The following BACH2 variants were observed in gnomAD, a reference collection of about 807,000 sequenced individuals.
BACH2 encodes the protein BACH transcriptional regulator 2, also known as transcription regulator protein BACH2.
BACH2 carries 5 observed loss-of-function variants against 61.8 expected under a neutral mutation model. The observed-to-expected ratio is 0.08, with a 90% confidence interval of 0.04 to 0.17. The LOEUF is 0.17. Ranked by LOEUF, BACH2 falls within the 10% of genes least tolerant of loss-of-function variation. The pLI, the probability that BACH2 is intolerant of heterozygous loss-of-function variation, is 1.00. For missense variants in BACH2, 824 were observed against 1,091.1 expected, an observed-to-expected ratio of 0.76 and a Z score of 3.45; for synonymous variants, 446 against 440.1, an observed-to-expected ratio of 1.01 and a Z score of -0.17.
chr6:89,971,193 C>T lies in BACH2; in HGVS notation c.244-19331G>A, dbSNP rs149851473. 2.2e-4 allele frequency among the ~76,000 whole-genome samples: 34 copies of T among 152,256 alleles called. 1 individual carries two copies. The highest frequency in any genetic ancestry group is 8.2e-4 in the African/African-American group (34 of 41,542). On this transcript the variant is annotated intron_variant, in intron 6 of 8. Transcript: ENST00000257749. ...GTAACATGGGAACAACTGCGTCAGACGACAAGCATGCAGCCCCAGGCACAG... is the reference window on the plus strand; with the variant it reads ...GTAACATGGGAACAACTGCGTCAGATGACAAGCATGCAGCCCCAGGCACAG...
intron 4 of BACH2, among the ~76,000 whole-genome samples, chr6:90,166,967 T>C (rs1767645169): frequency 6.6e-6 from 1 of 151,106 alleles, no homozygotes; most frequent in East Asian, 2.0e-4. Flanking sequence ...AATGACGAGT[T>C]ACTGGGTGCA....
chr6:90,229,391 C>T (rs963758794), intron 3 of BACH2, among the ~76,000 whole-genome samples: 1 of 151,548 alleles, frequency 6.6e-6, no homozygotes, highest in African/African-American at 2.4e-5. Flanking sequence ...ACTTGGGAGG[C>T]GGAGGTTGCG....
chr6:90,008,917 G>A lies in BACH2; in HGVS notation c.-12-61C>T. 6.4e-7 allele frequency: 1 copy of A among 1,570,120 alleles called. No individual in the cohort carries two copies. Among genetic ancestry groups the A allele is most frequent in the Non-Finnish European group, 8.6e-7 (1 of 1,157,034 alleles). On this transcript the variant is annotated intron_variant, in intron 5 of 8. Transcript: ENST00000257749. The surrounding 1 kb of genome is among the most constrained non-coding windows in gnomAD (Gnocchi z 4.1). Reference sequence around the variant, plus strand: ...AAAGGCTGAGTCACCACAGCTGTAGGATCAGAGAGAGGAGGTGAGAAAGAA... The same window carrying A: ...AAAGGCTGAGTCACCACAGCTGTAGAATCAGAGAGAGGAGGTGAGAAAGAA...
chr6:90,052,784 C>T (rs775771993), intron 5 of BACH2, among the ~76,000 whole-genome samples: 5 of 152,200 alleles, frequency 3.3e-5, no homozygotes, highest in South Asian at 2.1e-4. Context: ...GGTATTTGCT[C>T]GAATACGAAT....
At chr6:90,246,970 G>T (rs1253892726) in intron 3 of BACH2, among the ~76,000 whole-genome samples, 1 of 151,952 alleles carries the variant, frequency 6.6e-6, no homozygotes, top group African/African-American at 2.4e-5. Flanking sequence ...AAACATACTT[G>T]TAAATTTACG....
intron 4 of BACH2, among the ~76,000 whole-genome samples, chr6:90,119,449 A>G (rs930787433): frequency 6.6e-6 from 1 of 152,228 alleles, no homozygotes; most frequent in East Asian, 1.9e-4. Context: ...TACCCTGTAC[A>G]TTATAGAGAA....
At chr6:90,108,495 T>C (rs1783022715) in intron 4 of BACH2, among the ~76,000 whole-genome samples, 1 of 152,198 alleles carries the variant, frequency 6.6e-6, no homozygotes, top group Non-Finnish European at 1.5e-5. Flanking sequence ...TACACTTCCA[T>C]GGCTTCCTAC....
intron 2 of BACH2, among the ~76,000 whole-genome samples, chr6:90,258,348 C>T (rs1412860839): frequency 6.6e-6 from 1 of 152,084 alleles, no homozygotes; most frequent in African/African-American, 2.4e-5. Flanking sequence ...CTTCTTGGTG[C>T]CCTTGTCAAA....
chr6:90,087,364 T>C (rs932214182), intron 5 of BACH2, among the ~76,000 whole-genome samples: 4 of 152,304 alleles, frequency 2.6e-5, no homozygotes, highest in South Asian at 2.1e-4. Context: ...GTATCACTCA[T>C]ACTATTTTTA....
At chr6:90,287,444 A>C (rs1173352068) in intron 1 of BACH2, among the ~76,000 whole-genome samples, 1 of 152,212 alleles carries the variant, frequency 6.6e-6, no homozygotes, top group Non-Finnish European at 1.5e-5. Context: ...TTGCTACTGA[A>C]TAACAAAAAT....
At position 89,971,581 on chromosome 6, in the gene BACH2, C is replaced by T. The variant is rs1775361723; in HGVS notation, c.244-19719G>A. ...CTTACAGGGTGTGTAAGTCCATTTTCATGCTGCTGATAAAGACATACCTGA... is the reference window on the plus strand; with the variant it reads ...CTTACAGGGTGTGTAAGTCCATTTTTATGCTGCTGATAAAGACATACCTGA... On this transcript the variant is annotated intron_variant, in intron 6 of 8. Coordinates refer to ENST00000257749, the MANE Select transcript of BACH2 (RefSeq NM_021813.4). Among the ~76,000 whole-genome samples the T allele has an allele frequency of 2.6e-5, 4 of 152,096 alleles. 1 individual carries two copies. In the South Asian group the frequency reaches 6.2e-4, roughly 24 times the overall value.
intron 4 of BACH2, among the ~76,000 whole-genome samples, chr6:90,090,821 G>C (rs1316764847): frequency 6.6e-6 from 1 of 151,948 alleles, no homozygotes; most frequent in Non-Finnish European, 1.5e-5. Flanking sequence ...GAGTAGTGAG[G>C]CCTTGTATTT....
At chr6:89,973,601 C>T (rs1775490251) in intron 6 of BACH2, among the ~76,000 whole-genome samples, 1 of 152,184 alleles carries the variant, frequency 6.6e-6, no homozygotes, top group Admixed American at 6.5e-5. Context: ...CTTAATCTCA[C>T]CCACAAAGTC....
rs763281917 is a variant in BACH2 at position 90,008,858 on chromosome 6, TGAAA to T, written c.-12-6_-12-3del. On this transcript the variant is annotated splice_polypyrimidine_tract_variant and splice_region_variant and intron_variant, in intron 5 of 8. Transcript: ENST00000257749. The surrounding 1 kb of genome is among the most constrained non-coding windows in gnomAD (Gnocchi z 4.1). ...ATCCACAGACATGCCGTTCACACCCTGAAAGAAAGAAAGAAACAAAGAAAGAAAG... is the reference window on the plus strand; with the variant it reads ...ATCCACAGACATGCCGTTCACACCCTGAAAGAAAGAAACAAAGAAAGAAAG... 3.6e-5 allele frequency: 58 copies of T among 1,610,168 alleles called. No homozygotes were observed. The highest frequency in any genetic ancestry group is 4.5e-5 in the Non-Finnish European group (53 of 1,177,568).
At chr6:90,066,321 G>T (rs1222354955) in intron 5 of BACH2, among the ~76,000 whole-genome samples, 1 of 152,192 alleles carries the variant, frequency 6.6e-6, no homozygotes, top group Non-Finnish European at 1.5e-5. Flanking sequence ...TGAGATTGGG[G>T]TAAGTAGAAG....
intron 2 of BACH2, among the ~76,000 whole-genome samples, chr6:90,256,705 G>C (rs571447792): frequency 6.6e-6 from 1 of 152,178 alleles, no homozygotes; most frequent in African/African-American, 2.4e-5. Context: ...AAAGGTTACT[G>C]TAGTGAAGCA....
chr6:89,992,092 T>C (rs1249981961), intron 6 of BACH2, among the ~76,000 whole-genome samples: 1 of 152,210 alleles, frequency 6.6e-6, no homozygotes, highest in Non-Finnish European at 1.5e-5. Flanking sequence ...CTCACTCCTA[T>C]CCCAAACCTT....
In BACH2 at chr6:89,930,420, T is replaced by C. The variant is rs532589608; in HGVS notation, c.*1988A>G. 1 of 152,714 alleles carries C rather than the reference T, an allele frequency of 6.5e-6. No homozygotes were observed. Among genetic ancestry groups the C allele is most frequent in the African/African-American group, 2.4e-5 (1 of 41,428 alleles). The allele number at this position is 152,714 out of a possible 1,614,324, so 9.5% of individuals were successfully genotyped here. ...TCCCCTTTTACATGCAGCTTTAATA[T>C]TGTCCAAACAATGGCACAAATAAAG... is the stretch of plus-strand genomic sequence containing the variant. On this transcript the variant is annotated 3_prime_UTR_variant, in exon 9 of 9. Coordinates refer to ENST00000257749, the MANE Select transcript of BACH2 (RefSeq NM_021813.4).
intron 3 of BACH2, among the ~76,000 whole-genome samples, chr6:90,210,612 A>C (rs905758035): frequency 1.3e-5 from 2 of 152,216 alleles, no homozygotes; most frequent in Admixed American, 1.3e-4. Context: ...AAGATACCTG[A>C]GTTACCATGG....
Sources: allele counts gnomAD v4.1 joint callset (sites outside exome capture counted in the v4.1 genomes callset), GRCh38; gene constraint gnomAD v4.1.1; non-coding constraint Gnocchi (gnomAD v3.1); transcripts MANE v1.5; gene names NCBI Gene and HGNC (gene_info 2026-07-23, HGNC 2026-07-21).